The following NEK10 variants were observed in gnomAD, a reference collection of about 807,000 sequenced individuals.
NEK10 encodes serine/threonine-protein kinase Nek10.
In NEK10, 122 loss-of-function variants were observed where a neutral mutation model predicts 159.8. That is an observed-to-expected ratio of 0.76 (90% CI 0.66 to 0.89). The LOEUF (loss-of-function observed/expected upper bound fraction) is 0.89. NEK10 is among the 40% of genes least tolerant of loss of function. The pLI is 0.00. For synonymous variants in NEK10, 466 were observed against 457.1 expected, an observed-to-expected ratio of 1.02 and a Z score of -0.25; for missense variants, 1,342 against 1,323.1, an observed-to-expected ratio of 1.01 and a Z score of -0.22.
Position 27,304,733 on chromosome 3 carries a change from C to A in NEK10, c.1028+14G>T. 6.4e-7 allele frequency: 1 copy of A among 1,574,160 alleles called. No individual in the cohort carries two copies. Among genetic ancestry groups the A allele is most frequent in the Admixed American group, 1.7e-5 (1 of 59,944 alleles). ...CAAACAGGGCAAAGTAGGCCAAAGC[C>A]CACTTTTACTCACCCTTGTAAAATA... On this transcript the variant is annotated intron_variant, in intron 12 of 35. Transcript: ENST00000691995.
chr3:27,202,346 C>A (rs1950127352), intron 24 of NEK10, 82 bp downstream of exon 24: 2 of 1,382,026 alleles, frequency 1.4e-6, no homozygotes, highest in Admixed American at 4.5e-5. Flanking sequence ...CAGTTATATA[C>A]AAATCACAAA....
chr3:27,189,543 C>G (rs991504062), intron 26 of NEK10, among the ~76,000 whole-genome samples: 1 of 152,088 alleles, frequency 6.6e-6, no homozygotes, highest in Middle Eastern at 3.4e-3. Flanking sequence ...TCCAGTATAT[C>G]TGAAATGAGA....
chr3:27,169,059 A>G (rs1946723383), intron 29 of NEK10, among the ~76,000 whole-genome samples: 2 of 152,224 alleles, frequency 1.3e-5, no homozygotes, highest in South Asian at 4.1e-4. Flanking sequence ...GGATTTGTGC[A>G]AATAAGACAA....
At chr3:27,321,931 C>G (rs1050822021) in intron 6 of NEK10, among the ~76,000 whole-genome samples, 1 of 152,098 alleles carries the variant, frequency 6.6e-6, no homozygotes, top group African/African-American at 2.4e-5. Flanking sequence ...AAAACATAGA[C>G]CAAAAAGTTC....
At chr3:27,202,984 G>A (rs930446077) in intron 23 of NEK10, among the ~76,000 whole-genome samples, 1 of 152,074 alleles carries the variant, frequency 6.6e-6, no homozygotes, top group African/African-American at 2.4e-5. Flanking sequence ...GACCACCAAT[G>A]GAATGTGGAA....
chr3:27,267,065 T>A (rs1349556488), intron 22 of NEK10, among the ~76,000 whole-genome samples: 1 of 152,198 alleles, frequency 6.6e-6, no homozygotes, highest in Non-Finnish European at 1.5e-5. Context: ...CTCAGTCTAG[T>A]TAGTCTCAGG....
intron 35 of NEK10, among the ~76,000 whole-genome samples, chr3:27,112,790 A>G (rs572777359): frequency 1.3e-5 from 2 of 152,360 alleles, no homozygotes; most frequent in African/African-American, 2.4e-5. Context: ...CTATCTATTG[A>G]CATCTTTGAT....
chr3:27,253,647 T>A (rs1955886977), intron 23 of NEK10, among the ~76,000 whole-genome samples: 1 of 152,018 alleles, frequency 6.6e-6, no homozygotes, highest in Non-Finnish European at 1.5e-5. Context: ...AGTAAGTTAA[T>A]ATCTGAGGAA....
intron 20 of NEK10, 142 bp downstream of exon 20, chr3:27,287,556 T>C (rs1253011107): frequency 1.3e-6 from 1 of 760,790 alleles, no homozygotes; most frequent in Non-Finnish European, 2.0e-6. Context: ...AAGAAAGTGA[T>C]GCTTAAGACC....
rs1939198388 is a variant in NEK10 at position 27,108,408 on chromosome 3, C to T, written c.*2864G>A. 6.6e-6 allele frequency among the ~76,000 whole-genome samples: 1 copy of T among 152,166 alleles called. No individual in the cohort carries two copies. On this transcript the variant is annotated 3_prime_UTR_variant, in exon 36 of 36. Transcript: ENST00000691995. Reference sequence around the variant, plus strand: ...GTTAACAAGCAAGCAAATATTCCTGCTGCAGTCACTTCCCTGAGAATGAAA... The same window carrying T: ...GTTAACAAGCAAGCAAATATTCCTGTTGCAGTCACTTCCCTGAGAATGAAA...
chr3:27,219,690 C>T (rs146716756), intron 23 of NEK10, among the ~76,000 whole-genome samples: 10 of 152,274 alleles, frequency 6.6e-5, no homozygotes, highest in South Asian at 2.1e-4. Context: ...TCTGCTCTTA[C>T]CACTTCATTC....
At chr3:27,368,873 A>G (rs1324145514) in intron 1 of NEK10, among the ~76,000 whole-genome samples, 1 of 152,206 alleles carries the variant, frequency 6.6e-6, no homozygotes, top group African/African-American at 2.4e-5. Flanking sequence ...AGCGACGCTC[A>G]TAGAGATGAA....
chr3:27,338,410 T>C (rs979720174), intron 5 of NEK10, among the ~76,000 whole-genome samples: 2 of 152,230 alleles, frequency 1.3e-5, no homozygotes, highest in African/African-American at 4.8e-5. Context: ...TGTGCATGTG[T>C]CTATAGTAGA....
intron 5 of NEK10, among the ~76,000 whole-genome samples, chr3:27,338,165 C>G (rs759286599): frequency 3.4e-4 from 52 of 152,166 alleles, no homozygotes; most frequent in Non-Finnish European, 4.1e-4. Flanking sequence ...TCAACTCCCA[C>G]TTATGAGTGA....
intron 1 of NEK10, among the ~76,000 whole-genome samples, chr3:27,361,078 C>T (rs964992382): frequency 6.6e-6 from 1 of 152,154 alleles, no homozygotes; most frequent in Non-Finnish European, 1.5e-5. Flanking sequence ...CTAATACTGG[C>T]CCATGTTGGT....
At chr3:27,129,626 G>T (rs1942382179) in intron 32 of NEK10, among the ~76,000 whole-genome samples, 2 of 151,984 alleles carry the variant, frequency 1.3e-5, no homozygotes, top group South Asian at 4.2e-4. Context: ...AATAAAGAAT[G>T]GAACAACTAT....
At position 27,307,885 on chromosome 3, in the gene NEK10, T is replaced by C; in HGVS notation, c.777A>G (p.Leu259=). 1 of 1,559,904 alleles carries C rather than the reference T, an allele frequency of 6.4e-7. No individual in the cohort carries two copies. Among genetic ancestry groups the C allele is most frequent in the Non-Finnish European group, 8.8e-7 (1 of 1,131,238 alleles). Residue 259 remains leucine, a synonymous_variant, in exon 11 of 36, where the codon TTA becomes TTG. Coordinates refer to ENST00000691995, the MANE Select transcript of NEK10 (RefSeq NM_001394966.1). ...TTTTAGAAAGCAAGTCATATTCATG[T>C]AAAATCATCAACAGATTTTCTACAA... is the stretch of plus-strand genomic sequence containing the variant. The part of the protein sequence containing the change: ...LNIVENLLMI[L]HEYDLLSKRL...
Position 27,291,333 on chromosome 3 carries a change from G to T in NEK10, c.1534C>A (p.Pro512Thr). The change falls in exon 18 of 36, where the codon CCT becomes ACT. Residue 512 changes from proline (P) to threonine (T), a missense_variant. By Grantham distance (38) the Pro-to-Thr change is conservative. Transcript: ENST00000691995. ...GCATAGTTGCCTATATATTTCAAAG[G>T]AGCTTTGTTCTGATTAATGCTTTCA... The part of the protein sequence containing the change: ...NIESINQNKA[P>T]LKYIGNYAIL... 1 of 1,613,150 alleles carries T rather than the reference G, an allele frequency of 6.2e-7. No individual in the cohort carries two copies. The highest frequency in any genetic ancestry group is 8.5e-7 in the Non-Finnish European group (1 of 1,179,204).
intron 5 of NEK10, among the ~76,000 whole-genome samples, chr3:27,334,506 A>C (rs1331874549): frequency 6.6e-6 from 1 of 152,104 alleles, no homozygotes; most frequent in Non-Finnish European, 1.5e-5. Context: ...ATGATATCCC[A>C]CTGATGCCTC....
Sources: allele counts gnomAD v4.1 joint callset (sites outside exome capture counted in the v4.1 genomes callset), GRCh38; gene constraint gnomAD v4.1.1; transcripts MANE v1.5; gene names NCBI Gene and HGNC (gene_info 2026-07-23, HGNC 2026-07-21).